The following TPD52L1 variants were observed in gnomAD, a reference collection of about 807,000 sequenced individuals.
TPD52L1 encodes tumor protein D53.
A neutral mutation model predicts 28.7 loss-of-function variants in TPD52L1; 18 were observed. The observed-to-expected ratio is 0.63, with a 90% CI of 0.43 to 0.93. TPD52L1 has a LOEUF of 0.93. TPD52L1 is among the 40% of genes least tolerant of loss of function. TPD52L1 has a pLI of 0.00. For synonymous variants in TPD52L1, 75 were observed against 88.8 expected, an observed-to-expected ratio of 0.84 and a Z score of 0.88; for missense variants, 203 against 254.8, an observed-to-expected ratio of 0.80 and a Z score of 1.39.
At chr6:125,154,293 G>A in intron 1 of TPD52L1, 1 of 1,169,288 alleles carries the variant, frequency 8.6e-7, no homozygotes, top group Non-Finnish European at 1.1e-6. Flanking sequence ...AGGACCTGTT[G>A]TGCCGGGTCC....
intron 1 of TPD52L1, among the ~76,000 whole-genome samples, chr6:125,218,265 G>A (rs1034271231): frequency 2.0e-5 from 3 of 152,156 alleles, no homozygotes; most frequent in African/African-American, 7.2e-5. Flanking sequence ...AGTAATGTCA[G>A]ACTTGTAAAT....
rs114357124 is a variant in TPD52L1, at chr6:125,224,874, A to C, written c.136-4244A>C. 7.0e-3 allele frequency among the ~76,000 whole-genome samples: 1,066 copies of C among 152,322 alleles called. 15 individuals are homozygous for C. Among genetic ancestry groups the C allele is most frequent in the African/African-American group, 0.025 (1,029 of 41,574 alleles). Reference sequence around the variant, plus strand: ...TTCACTTTTTTGCATTTTTCTTTAGATAAATTTATATAACATAAACTTATC... The same window carrying C: ...TTCACTTTTTTGCATTTTTCTTTAGCTAAATTTATATAACATAAACTTATC... On this transcript the variant is annotated intron_variant, in intron 2 of 6. Coordinates refer to ENST00000534000, the MANE Select transcript of TPD52L1 (RefSeq NM_003287.4).
At chr6:125,171,402 C>T (rs920492045) in intron 1 of TPD52L1, among the ~76,000 whole-genome samples, 2 of 152,146 alleles carry the variant, frequency 1.3e-5, no homozygotes, top group African/African-American at 4.8e-5. Context: ...AGAGCATGGG[C>T]AAGACAGTAA....
intron 1 of TPD52L1, among the ~76,000 whole-genome samples, chr6:125,158,413 C>T (rs1257264160): frequency 3.3e-5 from 5 of 152,144 alleles, no homozygotes; most frequent in African/African-American, 1.2e-4. Context: ...CTACATTATA[C>T]ATTATACTTT....
In TPD52L1 at chr6:125,187,410, A is replaced by T. The variant is rs544456134; in HGVS notation, c.20-32668A>T. Among the ~76,000 whole-genome samples, 11 of 152,348 alleles carry T rather than the reference A, an allele frequency of 7.2e-5. No homozygotes were observed. In the East Asian group the frequency reaches 1.9e-3, roughly 27 times the overall value. On this transcript the variant is annotated intron_variant, in intron 1 of 6. Transcript: ENST00000534000. ...ATAAAATTTAAATTCTTCTCCTGGAACTAAAATTAGCTTAAGTAATGATAC... is the reference window on the plus strand; with the variant it reads ...ATAAAATTTAAATTCTTCTCCTGGATCTAAAATTAGCTTAAGTAATGATAC...
intron 1 of TPD52L1, among the ~76,000 whole-genome samples, chr6:125,212,447 G>A (rs961952471): frequency 4.6e-5 from 7 of 152,248 alleles, no homozygotes; most frequent in South Asian, 4.1e-4. Context: ...TTTAACTCCC[G>A]GTCCTCTGTA....
At position 125,260,978 on chromosome 6, in the gene TPD52L1, A is replaced by T. The variant is rs1282195765; in HGVS notation, c.487-1856A>T. The stretch of plus-strand genomic sequence containing the variant: ...AAAGAAAGAAAGAAAGAAAGAAAGA[A>T]AAGAAAAGAAAGAAAGAAAGAAAGA... On this transcript the variant is annotated intron_variant, in intron 6 of 6. Transcript: ENST00000534000. The T allele has an allele frequency of 9.9e-3, 434 of 43,750 alleles. 25 individuals are homozygous for T. The highest frequency in any genetic ancestry group is 0.074 in the African/African-American group (414 of 5,612). 2.7% of individuals were successfully genotyped at this position (43,750 alleles called of 1,614,324 possible).
At position 125,228,643 on chromosome 6, in the gene TPD52L1, C is replaced by A. The variant is rs1302941493; in HGVS notation, c.136-475C>A. ...ATCCCTTGAGGCCAAGAGTTTGAGA[C>A]CAGCCTGGTCAACATAGTGAGACCC... On this transcript the variant is annotated intron_variant, in intron 2 of 6. Transcript: ENST00000534000. 2.0e-5 allele frequency among the ~76,000 whole-genome samples: 3 copies of A among 152,096 alleles called. No homozygotes were observed. In the East Asian group the frequency reaches 5.8e-4, roughly 29 times the overall value.
At chr6:125,180,600 A>G (rs1792127430) in intron 1 of TPD52L1, among the ~76,000 whole-genome samples, 1 of 151,822 alleles carries the variant, frequency 6.6e-6, no homozygotes, top group Non-Finnish European at 1.5e-5. Flanking sequence ...ACACACTCAC[A>G]CACACACAGA....
At chr6:125,258,290 G>A (rs940092528) in intron 6 of TPD52L1, among the ~76,000 whole-genome samples, 3 of 152,148 alleles carry the variant, frequency 2.0e-5, no homozygotes, top group Non-Finnish European at 4.4e-5. Flanking sequence ...GAAGTTTCCA[G>A]TTGTGCAGTT....
intron 1 of TPD52L1, among the ~76,000 whole-genome samples, chr6:125,198,528 T>C (rs1487866864): frequency 6.6e-6 from 1 of 152,172 alleles, no homozygotes; most frequent in African/African-American, 2.4e-5. Flanking sequence ...CAAGGACACA[T>C]GGAAGTTATT....
At chr6:125,231,599 A>G (rs1303103464) in intron 3 of TPD52L1, among the ~76,000 whole-genome samples, 1 of 142,846 alleles carries the variant, frequency 7.0e-6, no homozygotes, top group East Asian at 2.1e-4. Flanking sequence ...AGGAAGACAG[A>G]GTTTGAGTTT....
intron 3 of TPD52L1, among the ~76,000 whole-genome samples, chr6:125,230,748 A>G (rs1795899497): frequency 6.6e-6 from 1 of 152,178 alleles, no homozygotes; most frequent in South Asian, 2.1e-4. Context: ...AATATGGCCT[A>G]GCAGTCCTAT....
chr6:125,210,098 G>A (rs1794397986), intron 1 of TPD52L1, among the ~76,000 whole-genome samples: 1 of 152,188 alleles, frequency 6.6e-6, no homozygotes, highest in Non-Finnish European at 1.5e-5. Flanking sequence ...TTAGGATAAA[G>A]AGAAAGCTTA....
intron 2 of TPD52L1, among the ~76,000 whole-genome samples, chr6:125,221,320 A>G (rs1795216420): frequency 6.6e-6 from 1 of 152,210 alleles, no homozygotes; most frequent in Non-Finnish European, 1.5e-5. Flanking sequence ...CACAGACCAA[A>G]GTTAGCATTA....
chr6:125,170,808 C>T (rs1791250900), intron 1 of TPD52L1, among the ~76,000 whole-genome samples: 1 of 152,092 alleles, frequency 6.6e-6, no homozygotes, highest in African/African-American at 2.4e-5. Flanking sequence ...CCCACTTTAG[C>T]CCTCTTCTAG....
chr6:125,174,361 A>C (rs1353753824), intron 1 of TPD52L1, among the ~76,000 whole-genome samples: 1 of 152,142 alleles, frequency 6.6e-6, no homozygotes, highest in Admixed American at 6.5e-5. Context: ...TTACCCAAAA[A>C]TTTGTTGTAC....
intron 5 of TPD52L1, among the ~76,000 whole-genome samples, chr6:125,255,594 C>A (rs1305120381): frequency 1.3e-5 from 2 of 152,138 alleles, no homozygotes; most frequent in East Asian, 3.8e-4. Context: ...AGGAGACAAT[C>A]CCCAAATTCA....
At chr6:125,200,005 T>C (rs1171756709) in intron 1 of TPD52L1, among the ~76,000 whole-genome samples, 1 of 152,224 alleles carries the variant, frequency 6.6e-6, no homozygotes, top group African/African-American at 2.4e-5. Context: ...TCACAGGTGC[T>C]TTACTGTGCT....
Sources: allele counts gnomAD v4.1 joint callset (sites outside exome capture counted in the v4.1 genomes callset), GRCh38; gene constraint gnomAD v4.1.1; transcripts MANE v1.5; gene names NCBI Gene and HGNC (gene_info 2026-07-23, HGNC 2026-07-21).